HRH2: variants seen among roughly 807,000 people sequenced by gnomAD.
HRH2 encodes histamine receptor H2, also known as histamine H2 receptor.
HRH2 carries 4 observed loss-of-function variants against 20.1 expected under a neutral mutation model. The ratio of observed to expected loss-of-function variants is 0.20; its 90% CI spans 0.10 to 0.45. The LOEUF is 0.45. Among genes scored for constraint, HRH2 ranks in the 20% least tolerant of loss-of-function variants. The probability of loss-of-function intolerance (pLI) is 0.99; values close to 1 mark genes in which losing one functional copy is unlikely to be tolerated. For synonymous variants in HRH2, 197 were observed against 200.7 expected, an observed-to-expected ratio of 0.98 and a Z score of 0.16; for missense variants, 250 against 461.6, an observed-to-expected ratio of 0.54 and a Z score of 4.20.
rs1455980777 is a variant in HRH2, at chr5:175,683,083, C to T, written c.-151C>T. The T allele has an allele frequency of 2.1e-6, 2 of 951,510 alleles. No individual in the cohort carries two copies. Among genetic ancestry groups the T allele is most frequent in the Non-Finnish European group, 3.1e-6 (2 of 653,178 alleles). The allele number at this position is 951,510 out of a possible 1,614,324, so 58.9% of individuals were successfully genotyped here. On this transcript the variant is annotated 5_prime_UTR_variant, in exon 2 of 3. Coordinates refer to ENST00000636584, the MANE Select transcript of HRH2 (RefSeq NM_001367711.1). ...AGTCAGTCATTGAAGCCTTCCCCAC[C>T]CCCTGGCCAAAAAAAAAAAAAAAAA...
intron 2 of HRH2, among the ~76,000 whole-genome samples, chr5:175,698,381 AT>A (rs1332778895): frequency 3.9e-5 from 6 of 152,128 alleles, no homozygotes; most frequent in African/African-American, 1.4e-4. Flanking sequence ...CTGGGTTCAG[AT>A]TTGAGCGTTG....
intron 1 of HRH2, among the ~76,000 whole-genome samples, chr5:175,678,065 C>T (rs1464834996): frequency 1.3e-5 from 2 of 152,166 alleles, no homozygotes; most frequent in Admixed American, 1.3e-4. Context: ...GGAAGCCTTT[C>T]GTACCTACAC....
At chr5:175,678,369 C>T (rs1272352037) in intron 1 of HRH2, among the ~76,000 whole-genome samples, 1 of 152,138 alleles carries the variant, frequency 6.6e-6, no homozygotes, top group African/African-American at 2.4e-5. Context: ...TAAGGCTTTT[C>T]CGTCCCTTTA....
rs1756994105 is a variant in HRH2 at position 175,707,873 on chromosome 5, G to A, written c.1171G>A (p.Gly391Ser). The A allele has an allele frequency of 5.0e-6, 2 of 399,322 alleles. No homozygotes were observed. Among genetic ancestry groups the A allele is most frequent in the Admixed American group, 8.8e-5 (2 of 22,740 alleles). 24.7% of individuals were successfully genotyped at this position (399,322 alleles called of 1,614,324 possible). Residue 391 changes from glycine to serine, a missense_variant, in exon 3 of 3, where the codon GGC becomes AGC. Around this residue, in one of 5 missense-constraint regions of HRH2, gnomAD observed 55 missense variants for 66.9 expected, o/e 0.82. Coordinates refer to ENST00000636584, the MANE Select transcript of HRH2 (RefSeq NM_001367711.1). ...CAGGTTCCTTCAGAGACACATGGGA[G>A]GCCCCTCGGAGGAGCTATCGGGGGA... ...GLRFLQRHMG[G>S]PSEELSGEPL...
chr5:175,661,242 G>A (rs1328172564), intron 1 of HRH2, among the ~76,000 whole-genome samples: 2 of 152,080 alleles, frequency 1.3e-5, no homozygotes, highest in East Asian at 3.9e-4. Flanking sequence ...CTCCCCCAGG[G>A]CTCCTTAAAG....
At chr5:175,672,303 T>C (rs1002287801) in intron 1 of HRH2, among the ~76,000 whole-genome samples, 4 of 152,092 alleles carry the variant, frequency 2.6e-5, no homozygotes, top group South Asian at 2.1e-4. Context: ...TCTGAAAACA[T>C]TGGCGATCCA....
intron 2 of HRH2, among the ~76,000 whole-genome samples, chr5:175,696,062 G>A (rs953364783): frequency 9.2e-5 from 14 of 152,260 alleles, no homozygotes; most frequent in Non-Finnish European, 1.9e-4. Context: ...TCTATGAAAT[G>A]GGCATGACAC....
intron 1 of HRH2, among the ~76,000 whole-genome samples, chr5:175,666,906 T>C (rs1008136638): frequency 6.6e-6 from 1 of 152,200 alleles, no homozygotes; most frequent in African/African-American, 2.4e-5. Context: ...ATGAAAGGCC[T>C]CACTGCACCC....
chr5:175,672,452 A>G (rs933876946), intron 1 of HRH2, among the ~76,000 whole-genome samples: 1 of 152,228 alleles, frequency 6.6e-6, no homozygotes, highest in South Asian at 2.1e-4. Context: ...ACAAAACATC[A>G]TAAACCTTAA....
At chr5:175,685,797 G>C (rs983843782) in intron 2 of HRH2, 45 of 406,900 alleles carry the variant, frequency 1.1e-4, no homozygotes, top group Non-Finnish European at 9.3e-5. Context: ...ATAAGTCCAC[G>C]CTGGAGCGCT....
intron 2 of HRH2, among the ~76,000 whole-genome samples, chr5:175,699,287 A>C (rs1386608629): frequency 6.6e-6 from 1 of 152,218 alleles, no homozygotes; most frequent in African/African-American, 2.4e-5. Context: ...AAAACAACCA[A>C]AAAATAAGTA....
intron 1 of HRH2, among the ~76,000 whole-genome samples, chr5:175,662,878 C>G (rs571545304): frequency 5.3e-5 from 8 of 152,202 alleles, no homozygotes; most frequent in Non-Finnish European, 1.2e-4. Flanking sequence ...TACTTTCCCT[C>G]GCTATAGGTT....
intron 2 of HRH2, among the ~76,000 whole-genome samples, chr5:175,707,518 C>G (rs758678931): frequency 8.5e-5 from 13 of 152,150 alleles, no homozygotes; most frequent in Non-Finnish European, 1.6e-4. Context: ...GTAAATTGAC[C>G]ACAGGCACAC....
intron 1 of HRH2, among the ~76,000 whole-genome samples, chr5:175,679,781 G>C (rs536704030): frequency 6.6e-6 from 1 of 152,278 alleles, no homozygotes; most frequent in East Asian, 1.9e-4. Flanking sequence ...GGACATGCTC[G>C]GTTGCCTGAG....
chr5:175,684,889 T>C (rs899736286), intron 2 of HRH2, among the ~76,000 whole-genome samples: 1 of 152,060 alleles, frequency 6.6e-6, no homozygotes, highest in African/African-American at 2.4e-5. Flanking sequence ...TTGGGCATGA[T>C]ACTGTAGATT....
chr5:175,705,666 CT>C (rs771508609), intron 2 of HRH2, among the ~76,000 whole-genome samples: 444 of 141,920 alleles, frequency 3.1e-3, no homozygotes, highest in Middle Eastern at 7.4e-3. Flanking sequence ...CCAGAGTAGA[CT>C]TTTTTTTTTT....
intron 1 of HRH2, among the ~76,000 whole-genome samples, chr5:175,675,482 C>G (rs534175114): frequency 6.6e-6 from 1 of 152,326 alleles, no homozygotes; most frequent in South Asian, 2.1e-4. Context: ...TTTATCCTAA[C>G]AACAGGAGGG....
chr5:175,670,041 G>C (rs1755469523), intron 1 of HRH2, among the ~76,000 whole-genome samples: 2 of 152,276 alleles, frequency 1.3e-5, no homozygotes, highest in South Asian at 4.1e-4. Context: ...GGCCAGGCAG[G>C]GGGCATCACT....
rs1033712574 is a variant in HRH2 at position 175,693,815 on chromosome 5, C to T, written c.1076+9506C>T. 1.3e-5 allele frequency among the ~76,000 whole-genome samples: 2 copies of T among 152,176 alleles called. No homozygotes were observed. The highest frequency in any genetic ancestry group is 2.9e-5 in the Non-Finnish European group (2 of 68,044). ...CTTGTTCTGCCCCGCTTTTGTTCCA[C>T]CTGGTGTTCGTTCCTGAACAGGCTG... On this transcript the variant is annotated intron_variant, in intron 2 of 2. Coordinates refer to ENST00000636584, the MANE Select transcript of HRH2 (RefSeq NM_001367711.1). The surrounding 1 kb of genome is among the most constrained non-coding windows in gnomAD (Gnocchi z 4.4).
Sources: gnomAD v4.1 joint callset for allele counts (sites outside exome capture counted in the v4.1 genomes callset) on GRCh38, gnomAD v4.1.1 for gene constraint, gnomAD v4.1.1 regional missense constraint, Gnocchi (gnomAD v3.1) non-coding constraint, MANE v1.5 for transcripts, NCBI Gene and HGNC (gene_info 2026-07-23, HGNC 2026-07-21) for gene names.